Variants in MAP4 observed in about 807,000 individuals in gnomAD.
The protein encoded by MAP4 is microtubule-associated protein 4.
MAP4 carries 76 observed loss-of-function variants against 170.2 expected under a neutral mutation model. That is an observed-to-expected ratio of 0.45 (90% confidence interval 0.37 to 0.54). MAP4 has a LOEUF of 0.54. MAP4 is among the 20% of genes least tolerant of loss of function. The pLI is 0.00. For missense variants in MAP4, 2,506 were observed against 2,748.0 expected, an observed-to-expected ratio of 0.91 and a Z score of 1.97; for synonymous variants, 909 against 994.5, an observed-to-expected ratio of 0.91 and a Z score of 1.62.
chr3:47,914,057 T>G (rs1395755181), intron 8 of MAP4, among the ~76,000 whole-genome samples: 1 of 152,244 alleles, frequency 6.6e-6, no homozygotes. Flanking sequence ...TCTGCATTTC[T>G]ACCAGCCTCT....
In MAP4 at chr3:47,951,862, G is replaced by A. The variant is rs1302679163; in HGVS notation, c.293-23512C>T. Among the ~76,000 whole-genome samples, 6 of 150,858 alleles carry A rather than the reference G, an allele frequency of 4.0e-5. 1 individual carries two copies. The South Asian group carries it at 1.3e-3, about 32-fold the overall frequency. On this transcript the variant is annotated intron_variant, in intron 3 of 20. Transcript: ENST00000683076. ...TGCCTGGCTGCCCAGTCTGGAAAGTGAGGAGCGTCTCTGCCCGCCCGCCAT... is the reference window on the plus strand; with the variant it reads ...TGCCTGGCTGCCCAGTCTGGAAAGTAAGGAGCGTCTCTGCCCGCCCGCCAT...
At chr3:47,895,843 C>T (rs774413616) in intron 10 of MAP4, among the ~76,000 whole-genome samples, 1 of 152,308 alleles carries the variant, frequency 6.6e-6, no homozygotes, top group South Asian at 2.1e-4. Context: ...GCTAGTCAGG[C>T]ACAAAGAAGT....
chr3:47,990,579 A>AT (rs1261131701), intron 2 of MAP4, among the ~76,000 whole-genome samples: 2 of 152,230 alleles, frequency 1.3e-5, no homozygotes, highest in African/African-American at 4.8e-5. Context: ...AAGAAGAACT[A>AT]TTTAATCACA....
At chr3:47,891,940 C>CCAAA (rs777699864) in intron 10 of MAP4, 3 of 1,536,026 alleles carry the variant, frequency 2.0e-6, no homozygotes, top group Non-Finnish European at 8.7e-7. Context: ...AGCTGGGGTT[C>CCAAA]CAAACACTGG....
At chr3:48,046,617 G>A (rs1303524680) in intron 1 of MAP4, among the ~76,000 whole-genome samples, 3 of 152,150 alleles carry the variant, frequency 2.0e-5, no homozygotes, top group African/African-American at 7.2e-5. Flanking sequence ...ACTTCACAGG[G>A]TGGCTCTTTC....
intron 3 of MAP4, among the ~76,000 whole-genome samples, chr3:47,969,851 C>A (rs1465219484): frequency 2.7e-5 from 4 of 150,256 alleles, no homozygotes; most frequent in Non-Finnish European, 5.9e-5. Flanking sequence ...CAGAGCAAGA[C>A]TCTGTCTCAA....
chr3:47,921,475 G>A (rs1410703684), intron 5 of MAP4, among the ~76,000 whole-genome samples: 2 of 152,000 alleles, frequency 1.3e-5, no homozygotes, highest in Admixed American at 1.3e-4. Flanking sequence ...CCCACAATTT[G>A]CGGCCCCTAG....
chr3:47,908,254 A>G (rs2100034185), intron 9 of MAP4, among the ~76,000 whole-genome samples: 1 of 152,192 alleles, frequency 6.6e-6, no homozygotes, highest in Non-Finnish European at 1.5e-5. Flanking sequence ...TAAATCTTAA[A>G]GGAATCATCT....
intron 10 of MAP4, among the ~76,000 whole-genome samples, chr3:47,883,601 A>AT (rs1559892991): frequency 1.3e-5 from 2 of 152,036 alleles, no homozygotes; most frequent in Admixed American, 1.3e-4. Flanking sequence ...ACCAAATCTT[A>AT]TTTTTTTGGA....
At chr3:47,854,037 A>G (rs1377326490) in intron 19 of MAP4, among the ~76,000 whole-genome samples, 2 of 152,194 alleles carry the variant, frequency 1.3e-5, no homozygotes, top group African/African-American at 4.8e-5. Flanking sequence ...GGAGCTGGAA[A>G]GCGTGTGTCG....
At chr3:48,032,855 A>G (rs1024153595) in intron 1 of MAP4, among the ~76,000 whole-genome samples, 1 of 152,202 alleles carries the variant, frequency 6.6e-6, no homozygotes, top group African/African-American at 2.4e-5. Context: ...GACTCTCGTT[A>G]AAGCTTCAAA....
At chr3:47,931,503 G>A (rs1266165238) in intron 3 of MAP4, among the ~76,000 whole-genome samples, 2 of 151,830 alleles carry the variant, frequency 1.3e-5, no homozygotes, top group Non-Finnish European at 2.9e-5. Flanking sequence ...GTTGAGACAG[G>A]GTCTTGCTCT....
chr3:47,922,766 A>G (rs975171275), intron 4 of MAP4, among the ~76,000 whole-genome samples: 82 of 152,238 alleles, frequency 5.4e-4, no homozygotes, highest in African/African-American at 1.9e-3. Context: ...AAAAAAAAGC[A>G]GGGCCGGGCA....
At chr3:48,000,189 T>C (rs1445136518) in intron 1 of MAP4, among the ~76,000 whole-genome samples, 4 of 119,210 alleles carry the variant, frequency 3.4e-5, no homozygotes, top group African/African-American at 6.8e-5. Flanking sequence ...CACTCCAGCA[T>C]GGGCGACAGA....
rs757022045 is a variant in MAP4, at chr3:47,909,268, G to A, written c.5153C>T (p.Ser1718Phe). 18 of 1,613,892 alleles carry A rather than the reference G, an allele frequency of 1.1e-5. No individual in the cohort carries two copies. In the South Asian group the frequency reaches 1.9e-4, roughly 17 times the overall value. The change falls in exon 9 of 21, where the codon TCC becomes TTC. Residue 1718 changes from serine (S) to phenylalanine (F), a missense_variant. Physicochemically the swap from Ser to Phe is radical, Grantham distance 155. This residue lies in a region of MAP4 where 2,008 missense variants were observed against 2,206.0 expected (regional missense o/e 0.91). Coordinates refer to ENST00000683076, the MANE Select transcript of MAP4 (RefSeq NM_001385682.1). ...GGGTTCTGGGAGTCGAACACCCTTG[G>A]AAGCAGTCATTATTACTAACGTATC... ...VADTLVIMTA[S>F]KGVRLPEPKD...
intron 2 of MAP4, among the ~76,000 whole-genome samples, chr3:47,989,669 A>G (rs567129242): frequency 6.6e-6 from 1 of 152,314 alleles, no homozygotes; most frequent in East Asian, 1.9e-4. Context: ...GGAGAGAATA[A>G]AAACAACGTA....
chr3:47,877,408 G>A lies in MAP4; in HGVS notation c.5541+9C>T. On this transcript the variant is annotated intron_variant, in intron 11 of 20. Coordinates refer to ENST00000683076, the MANE Select transcript of MAP4 (RefSeq NM_001385682.1). The stretch of plus-strand genomic sequence containing the variant: ...GGCAGTAGAAGATAACCACCATTCT[G>A]GCACCTACCTTTGTTTTCTTCTCTG... 1 of 1,603,984 alleles carries A rather than the reference G, an allele frequency of 6.2e-7. No homozygotes were observed. Among genetic ancestry groups the A allele is most frequent in the Middle Eastern group, 1.7e-4 (1 of 6,042 alleles).
At chr3:47,918,559 T>G (rs2100040996) in intron 6 of MAP4, among the ~76,000 whole-genome samples, 160 bp downstream of exon 6, 1 of 152,276 alleles carries the variant, frequency 6.6e-6, no homozygotes, top group African/African-American at 2.4e-5. Flanking sequence ...TTCAACAATT[T>G]AATTCCTCCA....
rs1367156410 is a variant in MAP4, at chr3:47,911,970, G to A, written c.2451C>T (p.Thr817=). 2 of 1,536,086 alleles carry A rather than the reference G, an allele frequency of 1.3e-6. No homozygotes were observed. Among genetic ancestry groups the A allele is most frequent in the Admixed American group, 3.9e-5 (2 of 50,984 alleles). ...CAAGTCCATATTCTGTACCCATAGT[G>A]GTAGGCTGGCTGGGGAGAACACCTG... is the stretch of plus-strand genomic sequence containing the variant. ...QKSGVLPSQP[T]TMGTEYGLVS... is the part of the protein sequence containing the mutation. Residue 817 remains threonine, a synonymous_variant, in exon 9 of 21, where the codon ACC becomes ACT. Transcript: ENST00000683076. This position sits in a 1 kb window ranked among gnomAD's most constrained non-coding sequence, Gnocchi z 4.0.
Sources: gnomAD v4.1 joint callset for allele counts (sites outside exome capture counted in the v4.1 genomes callset) on GRCh38, gnomAD v4.1.1 for gene constraint, gnomAD v4.1.1 regional missense constraint, Gnocchi (gnomAD v3.1) non-coding constraint, MANE v1.5 for transcripts, NCBI Gene and HGNC (gene_info 2026-07-23, HGNC 2026-07-21) for gene names.